PGM2L1: variants seen among roughly 807,000 people sequenced by gnomAD.
The protein encoded by PGM2L1 is phosphoglucomutase 2 like 1.
PGM2L1 carries 35 observed loss-of-function variants against 73.4 expected under a neutral mutation model. The ratio of observed to expected loss-of-function variants is 0.48; its 90% CI spans 0.36 to 0.63. The LOEUF (loss-of-function observed/expected upper bound fraction) is 0.63. Ranked by LOEUF, PGM2L1 falls within the 30% of genes least tolerant of loss-of-function variation. The pLI is 0.00. For missense variants in PGM2L1, 570 were observed against 742.0 expected (o/e 0.77, Z 2.69); for synonymous variants, 225 against 253.8 (o/e 0.89, Z 1.08).
At chr11:74,339,936 A>C (rs1174510578) in intron 12 of PGM2L1, among the ~76,000 whole-genome samples, 1 of 152,172 alleles carries the variant, frequency 6.6e-6, no homozygotes, top group Admixed American at 6.5e-5. Context: ...AAGCCCCCAA[A>C]GTCTCTTCCA....
chr11:74,397,937 C>T, intron 1 of PGM2L1, 114 bp downstream of exon 1: 3 of 1,379,532 alleles, frequency 2.2e-6, no homozygotes, highest in Non-Finnish European at 2.8e-6. Context: ...CGCTGCCCCC[C>T]GCTCGGTGTC....
intron 5 of PGM2L1, among the ~76,000 whole-genome samples, chr11:74,361,627 C>A (rs570419284): frequency 1.3e-5 from 2 of 152,212 alleles, no homozygotes; most frequent in South Asian, 4.1e-4. Context: ...CCGAACCCAA[C>A]AAAAAGAAGC....
At chr11:74,397,744 G>GTT (rs1565448427) in intron 1 of PGM2L1, 11 of 93,486 alleles carry the variant, frequency 1.2e-4, no homozygotes, top group Admixed American at 6.0e-4. Flanking sequence ...CAATGATGAT[G>GTT]ATTTTTTTTT....
intron 2 of PGM2L1, among the ~76,000 whole-genome samples, chr11:74,374,000 T>C (rs975415479): frequency 4.2e-5 from 5 of 119,894 alleles, no homozygotes; most frequent in African/African-American, 1.6e-4. Context: ...TTCTGGGAAA[T>C]AAAGTTTTGT....
chr11:74,395,810 C>T (rs578223974), intron 1 of PGM2L1, among the ~76,000 whole-genome samples: 20 of 152,096 alleles, frequency 1.3e-4, no homozygotes, highest in African/African-American at 3.6e-4. Flanking sequence ...TGACTGCCTA[C>T]AAACCATTTA....
Position 74,398,284 on chromosome 11 carries a change from A to G in PGM2L1, c.-123T>C, listed in dbSNP as rs1863213858. The G allele has an allele frequency of 1.5e-6, 2 of 1,371,470 alleles. No homozygotes were observed. Among genetic ancestry groups the G allele is most frequent in the Admixed American group, 3.0e-5 (1 of 33,838 alleles). 85.0% of individuals were successfully genotyped at this position (1,371,470 alleles called of 1,614,324 possible). A position where few individuals can be genotyped will look rare whatever the true frequency, so the allele number is the denominator to read the frequency against. On this transcript the variant is annotated 5_prime_UTR_variant, in exon 1 of 14. Coordinates refer to ENST00000298198, the MANE Select transcript of PGM2L1 (RefSeq NM_173582.6). ...CCTCACTGAAGGGCATCGGAGACCAACCGCAGGGTGTTCGTAACAGCTCCT... is the reference window on the plus strand; with the variant it reads ...CCTCACTGAAGGGCATCGGAGACCAGCCGCAGGGTGTTCGTAACAGCTCCT...
intron 1 of PGM2L1, among the ~76,000 whole-genome samples, chr11:74,384,809 C>T (rs548158204): frequency 5.9e-5 from 9 of 152,248 alleles, no homozygotes; most frequent in Non-Finnish European, 1.0e-4. Flanking sequence ...ACTTTGAGTT[C>T]ACCAGTATTC....
Position 74,346,823 on chromosome 11 carries a change from A to T in PGM2L1, c.946T>A (p.Ser316Thr). The stretch of plus-strand genomic sequence containing the variant: ...TTTTCTTTCTCTGCCAGTCTCAAGG[A>T]AAGTTCCTGAAACAGTGACCCAAAA... Reference protein sequence around the residue: ...PEEGESVLELSLRLAEKENAR... With the variant: ...PEEGESVLELTLRLAEKENAR... Residue 316 changes from serine to threonine, a missense_variant, in exon 8 of 14, where the codon TCC (serine) becomes ACC (threonine). By Grantham distance (58) the Ser-to-Thr change is moderately conservative. Transcript: ENST00000298198. The T allele has an allele frequency of 6.2e-7, 1 of 1,613,570 alleles. No homozygotes were observed. The highest frequency in any genetic ancestry group is 2.2e-5 in the East Asian group (1 of 44,880).
intron 5 of PGM2L1, among the ~76,000 whole-genome samples, chr11:74,352,098 T>C (rs1686038393): frequency 6.6e-6 from 1 of 152,094 alleles, no homozygotes; most frequent in Non-Finnish European, 1.5e-5. Context: ...GACTCTTCAA[T>C]CAAATGATTA....
At position 74,343,352 on chromosome 11, in the gene PGM2L1, T is replaced by A; in HGVS notation, c.1283A>T (p.Glu428Val). The A allele has an allele frequency of 6.2e-7, 1 of 1,609,138 alleles. No individual in the cohort carries two copies. Among genetic ancestry groups the A allele is most frequent in the Non-Finnish European group, 8.5e-7 (1 of 1,178,742 alleles). The change falls in exon 10 of 14, where the codon GAA becomes GTA. Residue 428 changes from glutamate (E) to valine (V), a missense_variant. Physicochemically the swap from Glu to Val is moderately radical, Grantham distance 121. Coordinates refer to ENST00000298198, the MANE Select transcript of PGM2L1 (RefSeq NM_173582.6). The stretch of plus-strand genomic sequence containing the variant: ...AGACTCTTCAAATGCAAAAAGGACT[T>A]CTTTCCCATTTTCCAGGAGGTCTAT... ...RIIDLLENGK[E>V]VLFAFEESIG...
intron 5 of PGM2L1, among the ~76,000 whole-genome samples, chr11:74,358,864 G>A (rs1015828729): frequency 6.6e-6 from 1 of 152,130 alleles, no homozygotes; most frequent in African/African-American, 2.4e-5. Context: ...ACTCCAGCTT[G>A]GGTGACAGAG....
chr11:74,333,741 T>C lies in PGM2L1; in HGVS notation c.*2911A>G, dbSNP rs1012547759. 1 of 152,222 alleles carries C rather than the reference T, an allele frequency of 6.6e-6. No homozygotes were observed. The highest frequency in any genetic ancestry group is 1.5e-5 in the Non-Finnish European group (1 of 68,038). 9.4% of individuals were successfully genotyped at this position (152,222 alleles called of 1,614,324 possible). On this transcript the variant is annotated 3_prime_UTR_variant, in exon 14 of 14. Transcript: ENST00000298198. ...TACATTTGCCCTTCACGAGAAGCAT[T>C]TCCCGTGTCTCTTTATATTGTTTGC... is the stretch of plus-strand genomic sequence containing the variant.
chr11:74,362,053 CAA>C (rs1249082798), intron 5 of PGM2L1, among the ~76,000 whole-genome samples: 1 of 152,126 alleles, frequency 6.6e-6, no homozygotes, highest in Non-Finnish European at 1.5e-5. Context: ...CAGAACGCCA[CAA>C]AGATACTCCT....
At chr11:74,352,094 T>C (rs1477795599) in intron 5 of PGM2L1, among the ~76,000 whole-genome samples, 1 of 152,066 alleles carries the variant, frequency 6.6e-6, no homozygotes, top group African/African-American at 2.4e-5. Flanking sequence ...CAGGGACTCT[T>C]CAATCAAATG....
chr11:74,363,805 C>T (rs1862606980), intron 5 of PGM2L1, among the ~76,000 whole-genome samples: 1 of 152,150 alleles, frequency 6.6e-6, no homozygotes, highest in South Asian at 2.1e-4. Context: ...TGGTACCATT[C>T]CTTCTGAAAC....
intron 12 of PGM2L1, 124 bp from the exon 13 acceptor site, chr11:74,338,725 T>C: frequency 8.2e-7 from 1 of 1,213,792 alleles, no homozygotes; most frequent in Non-Finnish European, 1.1e-6. Flanking sequence ...TTTACAGAAA[T>C]AGAAATTAGA....
At chr11:74,394,262 C>T (rs1489576595) in intron 1 of PGM2L1, among the ~76,000 whole-genome samples, 1 of 152,066 alleles carries the variant, frequency 6.6e-6, no homozygotes, top group Non-Finnish European at 1.5e-5. Flanking sequence ...TAGAAAATGC[C>T]CTGAATAGAA....
intron 1 of PGM2L1, among the ~76,000 whole-genome samples, chr11:74,390,641 A>G (rs867727012): frequency 6.6e-6 from 1 of 152,238 alleles, no homozygotes; most frequent in Non-Finnish European, 1.5e-5. Context: ...GACTAAACCT[A>G]CAATGTAAAA....
intron 5 of PGM2L1, among the ~76,000 whole-genome samples, chr11:74,353,506 T>G (rs1862391185): frequency 6.6e-6 from 1 of 151,560 alleles, no homozygotes; most frequent in South Asian, 2.1e-4. Context: ...TTTGTGTCCC[T>G]GGGTACTTGA....
Sources: gnomAD v4.1 joint callset for allele counts (sites outside exome capture counted in the v4.1 genomes callset) on GRCh38, gnomAD v4.1.1 for gene constraint, MANE v1.5 for transcripts, NCBI Gene and HGNC (gene_info 2026-07-23, HGNC 2026-07-21) for gene names.